MOG: variants seen among roughly 807,000 people sequenced by gnomAD.
MOG encodes myelin-oligodendrocyte glycoprotein.
A neutral mutation model predicts 35.9 loss-of-function variants in MOG; 20 were observed. That is an observed-to-expected ratio of 0.56 (90% CI 0.39 to 0.81). MOG has a LOEUF of 0.81. MOG is among the 30% of genes least tolerant of loss of function. MOG has a pLI of 0.00. For missense variants in MOG, 251 were observed against 301.0 expected, an observed-to-expected ratio of 0.83 and a Z score of 1.23; for synonymous variants, 92 against 114.3, an observed-to-expected ratio of 0.80 and a Z score of 1.25.
At chr6:29,667,150 A>G (rs2535248) in intron 3 of MOG, among the ~76,000 whole-genome samples, 10,916 of 152,242 alleles carry the variant, frequency 0.072, 733 homozygotes, top group African/African-American at 0.17. Context: ...TAGATTCTCC[A>G]AGCTTCAGTT....
rs1403115122 is a variant in MOG at position 29,672,329 on chromosome 6, TAAATAAAA to T, written c.*1147_*1154del. On this transcript the variant is annotated 3_prime_UTR_variant, in exon 8 of 8. Coordinates refer to ENST00000376917, the MANE Select transcript of MOG (RefSeq NM_206809.4). ...ATAAATAAATAAATAAATAAATAAA[TAAATAAAA>T]AATAATAATACAAGTTTTCATAAGC... is the stretch of plus-strand genomic sequence containing the variant. 160 of 284,328 alleles carry T rather than the reference TAAATAAAA, an allele frequency of 5.6e-4. 2 individuals carry two copies. In the South Asian group the frequency reaches 7.9e-3, roughly 14 times the overall value. The allele number at this position is 284,328 out of a possible 1,614,324, so 17.6% of individuals were successfully genotyped here.
rs903048428 is a variant in MOG, at chr6:29,670,571, C to A, written c.710-130C>A. The A allele has an allele frequency of 1.9e-6, 3 of 1,566,124 alleles. No individual in the cohort carries two copies. Among genetic ancestry groups the A allele is most frequent in the South Asian group, 2.3e-5 (2 of 88,392 alleles). ...TCTTCTGAGAAACTGTGAAGAGAAC[C>A]ACTTACTGGATCTGTGGGATCCCCC... is the stretch of plus-strand genomic sequence containing the variant. On this transcript the variant is annotated intron_variant, in intron 6 of 7. Transcript: ENST00000376917. The surrounding 1 kb of genome is among the most constrained non-coding windows in gnomAD (Gnocchi z 4.2).
At chr6:29,665,152 A>G (rs1330734420) in intron 2 of MOG, among the ~76,000 whole-genome samples, 1 of 150,862 alleles carries the variant, frequency 6.6e-6, no homozygotes, top group Non-Finnish European at 1.5e-5. Context: ...GCTGGAGTGC[A>G]ATGGCAAGAT....
At chr6:29,657,439 A>C (rs1562172349) in intron 1 of MOG, 142 bp downstream of exon 1, 2 of 714,310 alleles carry the variant, frequency 2.8e-6, no homozygotes, top group Non-Finnish European at 4.9e-6. Flanking sequence ...TCCCTTCCTC[A>C]GAAACCTTCC....
intron 2 of MOG, chr6:29,664,588 T>G: frequency 2.2e-6 from 1 of 450,388 alleles, no homozygotes; most frequent in Non-Finnish European, 4.4e-6. Flanking sequence ...CTGATGAAGT[T>G]GATAGACCCA....
Position 29,670,610 on chromosome 6 carries a change from G to C in MOG, c.710-91G>C. 1 of 1,589,948 alleles carries C rather than the reference G, an allele frequency of 6.3e-7. No individual in the cohort carries two copies. The highest frequency in any genetic ancestry group is 8.6e-7 in the Non-Finnish European group (1 of 1,167,888). ...GTGGGATCCCCCAGTGGAAAGGGCAGTGTGGGTCACTCCAAATGTCCATAG... is the reference window on the plus strand; with the variant it reads ...GTGGGATCCCCCAGTGGAAAGGGCACTGTGGGTCACTCCAAATGTCCATAG... On this transcript the variant is annotated intron_variant, in intron 6 of 7. Transcript: ENST00000376917. The surrounding 1 kb of genome is among the most constrained non-coding windows in gnomAD (Gnocchi z 4.2).
At chr6:29,667,562 G>C in intron 3 of MOG, 81 bp from the exon 4 acceptor site, 1 of 1,430,760 alleles carries the variant, frequency 7.0e-7, no homozygotes, top group Non-Finnish European at 9.9e-7. Flanking sequence ...CTGCACAAGG[G>C]GCCCAGGCGC....
Position 29,670,282 on chromosome 6 carries a change from T to A in MOG, c.594T>A (p.Asp198Glu). Reference protein sequence around the residue: ...AEIENLHRTFDPHFLRVPCWK... With the variant: ...AEIENLHRTFEPHFLRVPCWK... ...TGTTTGTTCTGGTGAACAATTCAGATCCCCACTTTCTGAGGGTGCCCTGCT... is the reference window on the plus strand; with the variant it reads ...TGTTTGTTCTGGTGAACAATTCAGAACCCCACTTTCTGAGGGTGCCCTGCT... The change falls in exon 6 of 8, where the codon GAT becomes GAA. Residue 198 changes from aspartate (D) to glutamate (E), a missense_variant and splice_region_variant. By Grantham distance (45) the Asp-to-Glu change is conservative (BLOSUM62 2). Transcript: ENST00000376917. This position sits in a 1 kb window ranked among gnomAD's most constrained non-coding sequence, Gnocchi z 4.2. 1 of 1,614,124 alleles carries A rather than the reference T, an allele frequency of 6.2e-7. No individual in the cohort carries two copies. Among genetic ancestry groups the A allele is most frequent in the Non-Finnish European group, 8.5e-7 (1 of 1,180,028 alleles).
intron 1 of MOG, 87 bp downstream of exon 1, chr6:29,657,384 A>C: frequency 1.0e-6 from 1 of 981,700 alleles, no homozygotes; most frequent in Non-Finnish European, 1.6e-6. Context: ...AAACATCCTC[A>C]AGTTGCTATA....
At chr6:29,666,303 T>C (rs1299120022) in intron 3 of MOG, 38 bp downstream of exon 3, 2 of 1,239,602 alleles carry the variant, frequency 1.6e-6, no homozygotes, top group Non-Finnish European at 2.4e-6. Context: ...GATCCTTTCT[T>C]TAAATGAGCT....
chr6:29,666,147 T>C lies in MOG; in HGVS notation c.437-5T>C. ...ACAATGTCAAATGTCAGTCCTGCCTTTCAGATCCTTTCTACTGGGTGAGCC... is the reference window on the plus strand; with the variant it reads ...ACAATGTCAAATGTCAGTCCTGCCTCTCAGATCCTTTCTACTGGGTGAGCC... On this transcript the variant is annotated splice_polypyrimidine_tract_variant and splice_region_variant and intron_variant, in intron 2 of 7. Transcript: ENST00000376917. The C allele has an allele frequency of 6.2e-7, 1 of 1,600,948 alleles. No individual in the cohort carries two copies.
At chr6:29,660,489 C>T (rs1456227565) in intron 2 of MOG, among the ~76,000 whole-genome samples, 1 of 146,932 alleles carries the variant, frequency 6.8e-6, no homozygotes, top group African/African-American at 2.5e-5. Flanking sequence ...AAAATCCTTC[C>T]ACTGCACTCC....
chr6:29,661,840 A>G (rs1405553859), intron 2 of MOG: 1 of 968,924 alleles, frequency 1.0e-6, no homozygotes, highest in Non-Finnish European at 1.2e-6. Flanking sequence ...AAAAAAAAAC[A>G]AGGAAGACAA....
In MOG at chr6:29,670,284, C is replaced by T; in HGVS notation, c.596C>T (p.Pro199Leu). 3 of 1,614,084 alleles carry T rather than the reference C, an allele frequency of 1.9e-6. No homozygotes were observed. The highest frequency in any genetic ancestry group is 1.7e-6 in the Non-Finnish European group (2 of 1,180,022). Residue 199 changes from proline to leucine, a missense_variant, in exon 6 of 8, where the codon CCC becomes CTC. Physicochemically the swap from Pro to Leu is moderately conservative, Grantham distance 98 (BLOSUM62 -3). Coordinates refer to ENST00000376917, the MANE Select transcript of MOG (RefSeq NM_206809.4). This position sits in a 1 kb window ranked among gnomAD's most constrained non-coding sequence, Gnocchi z 4.2. ...TTTGTTCTGGTGAACAATTCAGATCCCCACTTTCTGAGGGTGCCCTGCTGG... is the reference window on the plus strand; with the variant it reads ...TTTGTTCTGGTGAACAATTCAGATCTCCACTTTCTGAGGGTGCCCTGCTGG... ...EIENLHRTFD[P>L]HFLRVPCWKI... is the part of the protein sequence containing the mutation.
chr6:29,664,214 A>T (rs1967958), intron 2 of MOG, among the ~76,000 whole-genome samples: 52,002 of 139,274 alleles, frequency 0.37, 9,418 homozygotes, highest in East Asian at 0.6. Flanking sequence ...TTATTTATTT[A>T]TTTTTTTTTT....
At chr6:29,661,568 C>G in intron 2 of MOG, 1 of 983,634 alleles carries the variant, frequency 1.0e-6, no homozygotes, top group Non-Finnish European at 1.2e-6. Context: ...CACCTATAAT[C>G]CCAAAACTTT....
intron 3 of MOG, 39 bp downstream of exon 3, chr6:29,666,304 T>A: frequency 8.1e-7 from 1 of 1,238,996 alleles, no homozygotes; most frequent in Non-Finnish European, 1.2e-6. Flanking sequence ...ATCCTTTCTT[T>A]AAATGAGCTG....
At position 29,671,333 on chromosome 6, in the gene MOG, C is replaced by T. The variant is rs1771415394; in HGVS notation, c.*148C>T. Reference sequence around the variant, plus strand: ...GCACTTTCAGGAACACTCTGAATTCCAAGTAGAATTGATTTCCCTTCTTCT... The same window carrying T: ...GCACTTTCAGGAACACTCTGAATTCTAAGTAGAATTGATTTCCCTTCTTCT... On this transcript the variant is annotated 3_prime_UTR_variant, in exon 8 of 8. Transcript: ENST00000376917. The T allele has an allele frequency of 6.2e-7, 1 of 1,611,618 alleles. No homozygotes were observed. Among genetic ancestry groups the T allele is most frequent in the African/African-American group, 1.3e-5 (1 of 75,000 alleles).
chr6:29,665,569 A>T (rs115109721), intron 2 of MOG, among the ~76,000 whole-genome samples: 6,142 of 149,242 alleles, frequency 0.041, no homozygotes, highest in African/African-American at 0.11. Flanking sequence ...TTCCTATACC[A>T]TTACCACTGT....
Sources: gnomAD v4.1 joint callset for allele counts (sites outside exome capture counted in the v4.1 genomes callset) on GRCh38, gnomAD v4.1.1 for gene constraint, Gnocchi (gnomAD v3.1) non-coding constraint, MANE v1.5 for transcripts, NCBI Gene and HGNC (gene_info 2026-07-23, HGNC 2026-07-21) for gene names.